SOX30: variants seen among roughly 807,000 people sequenced by gnomAD.
The protein encoded by SOX30 is SRY-box transcription factor 30.
Under a neutral mutation model 58.6 loss-of-function variants are expected in SOX30, and 17 were observed. That is an observed-to-expected ratio of 0.29 (90% CI 0.20 to 0.44). SOX30 has a LOEUF of 0.44. Among genes scored for constraint, SOX30 ranks in the 20% least tolerant of loss-of-function variants. The pLI is 1.00. For missense variants in SOX30, 951 were observed against 965.8 expected (o/e 0.98, Z 0.20); for synonymous variants, 421 against 400.2 (o/e 1.05, Z -0.62).
Position 157,646,835 on chromosome 5 carries a change from G to T in SOX30, c.1208-19C>A, listed in dbSNP as rs1759204435. On this transcript the variant is annotated intron_variant, in intron 2 of 4. Transcript: ENST00000265007. ...ACCCAACCTATAGAAGACAAAATAT[G>T]TTTAAATGTGTAGACTCCATTTAGC... The T allele has an allele frequency of 1.9e-6, 3 of 1,579,584 alleles. No individual in the cohort carries two copies. The highest frequency in any genetic ancestry group is 1.7e-6 in the Non-Finnish European group (2 of 1,151,352).
intron 3 of SOX30, among the ~76,000 whole-genome samples, chr5:157,640,229 T>C (rs1425060604): frequency 6.6e-6 from 1 of 152,214 alleles, no homozygotes; most frequent in Non-Finnish European, 1.5e-5. Flanking sequence ...GAGCAGGAAC[T>C]CTCAATTTCT....
chr5:157,661,776 T>C (rs1185347620), intron 2 of SOX30, among the ~76,000 whole-genome samples: 2 of 152,236 alleles, frequency 1.3e-5, no homozygotes, highest in East Asian at 1.9e-4. Flanking sequence ...TAATTTGTTG[T>C]TATTTAAACA....
chr5:157,632,657 A>G (rs1383330683), intron 4 of SOX30, among the ~76,000 whole-genome samples: 1 of 152,148 alleles, frequency 6.6e-6, no homozygotes, highest in Non-Finnish European at 1.5e-5. Flanking sequence ...GTGATTTTAG[A>G]CTCTGAACCA....
At chr5:157,635,727 C>T (rs1171762711) in intron 4 of SOX30, among the ~76,000 whole-genome samples, 2 of 152,148 alleles carry the variant, frequency 1.3e-5, no homozygotes, top group Admixed American at 1.3e-4. Flanking sequence ...TCAAATCTTA[C>T]AAGCCTTGTC....
In SOX30 at chr5:157,663,298, A is replaced by G. The variant is rs146756479; in HGVS notation, c.52+4500T>C. ...CCCTGCGATGCAAGACTGGTTCAAC[A>G]TATGCAAATCAATAAACGTAATCCA... On this transcript the variant is annotated intron_variant, in intron 2 of 5. Coordinates refer to the SOX30 transcript ENST00000519442. Among the ~76,000 whole-genome samples the G allele has an allele frequency of 1.9e-3, 292 of 152,350 alleles. 1 individual carries two copies. Among genetic ancestry groups the G allele is most frequent in the African/African-American group, 6.7e-3 (278 of 41,588 alleles).
chr5:157,643,943 G>A (rs953073940), intron 3 of SOX30, among the ~76,000 whole-genome samples: 3 of 152,070 alleles, frequency 2.0e-5, no homozygotes, highest in African/African-American at 7.2e-5. Flanking sequence ...AATATACAGT[G>A]AAATTTCCAA....
At chr5:157,631,754 G>A (rs1480814601) in intron 4 of SOX30, among the ~76,000 whole-genome samples, 1 of 138,786 alleles carries the variant, frequency 7.2e-6, no homozygotes, top group Non-Finnish European at 1.5e-5. Flanking sequence ...AACAGAGTGG[G>A]AACTCGTCTC....
At chr5:157,627,761 G>A (rs1403887572) in intron 4 of SOX30, among the ~76,000 whole-genome samples, 5 of 152,132 alleles carry the variant, frequency 3.3e-5, no homozygotes, top group Non-Finnish European at 2.9e-5. Flanking sequence ...CTGGGAGGCC[G>A]AGGTGGGCGG....
At chr5:157,663,018 G>C (rs1277006186) in intron 2 of SOX30, among the ~76,000 whole-genome samples, 1 of 152,160 alleles carries the variant, frequency 6.6e-6, no homozygotes, top group Admixed American at 6.5e-5. Flanking sequence ...AATTCTACCA[G>C]AGGTACAAGG....
intron 4 of SOX30, among the ~76,000 whole-genome samples, chr5:157,633,469 G>T (rs980945523): frequency 6.6e-6 from 1 of 152,142 alleles, no homozygotes; most frequent in African/African-American, 2.4e-5. Context: ...GTTCAGGTAG[G>T]TATTAAATTG....
chr5:157,637,684 T>A (rs1435493210), intron 4 of SOX30, among the ~76,000 whole-genome samples: 1 of 152,060 alleles, frequency 6.6e-6, no homozygotes, highest in African/African-American at 2.4e-5. Flanking sequence ...AAAAATTATA[T>A]CCAACATTAA....
chr5:157,661,715 A>G (rs1056595780), intron 2 of SOX30, among the ~76,000 whole-genome samples: 8 of 152,260 alleles, frequency 5.3e-5, no homozygotes, highest in Admixed American at 2.6e-4. Context: ...CCTGTAATAA[A>G]TCGACCACAC....
In SOX30 at chr5:157,626,490, C is replaced by T; in HGVS notation, c.2112G>A (p.Gly704=). ...TSYYNSHSHS[G]EENLNPVPQL... ...GAGGCACAGGGTTTAAGTTTTCTTCCCCACTGTGGCTATGACTGTTATAGT... is the reference window on the plus strand; with the variant it reads ...GAGGCACAGGGTTTAAGTTTTCTTCTCCACTGTGGCTATGACTGTTATAGT... The change falls in exon 5 of 5, where the codon GGG becomes GGA. Residue 704 remains glycine (G), a synonymous_variant. Transcript: ENST00000265007. 6.2e-7 allele frequency: 1 copy of T among 1,614,130 alleles called. No homozygotes were observed.
intron 2 of SOX30, among the ~76,000 whole-genome samples, chr5:157,662,333 G>C (rs1231233476): frequency 1.3e-5 from 2 of 151,842 alleles, no homozygotes; most frequent in South Asian, 2.1e-4. Context: ...TTGTTTTGCT[G>C]TTTTCTTTTT....
intron 3 of SOX30, among the ~76,000 whole-genome samples, chr5:157,645,551 A>G (rs955482952): frequency 1.3e-5 from 2 of 151,984 alleles, no homozygotes; most frequent in Non-Finnish European, 2.9e-5. Flanking sequence ...AGTCCCAGCT[A>G]CTAGGGAGCC....
intron 3 of SOX30, among the ~76,000 whole-genome samples, chr5:157,645,497 T>C (rs1759166779): frequency 6.6e-6 from 1 of 151,166 alleles, no homozygotes; most frequent in South Asian, 2.1e-4. Context: ...ACCCCATCTC[T>C]AAAAAAATAC....
chr5:157,638,477 T>C lies in SOX30; in HGVS notation c.1633A>G (p.Arg545Gly). 6.2e-7 allele frequency: 1 copy of C among 1,614,198 alleles called. No homozygotes were observed. Among genetic ancestry groups the C allele is most frequent in the South Asian group, 1.1e-5 (1 of 91,088 alleles). Residue 545 changes from arginine (R) to glycine (G), a missense_variant, in exon 4 of 5, where the codon AGG becomes GGG. Physicochemically the swap from Arg to Gly is moderately radical, Grantham distance 125. Coordinates refer to ENST00000265007, the MANE Select transcript of SOX30 (RefSeq NM_178424.2). ...GCAGTACTTGCACTACTTGAAATCC[T>C]GTTGGCGCTCTCTAGAGAGACAGGA... Reference protein sequence around the residue: ...PTPVSLESANRISSSASTAHA... With the variant: ...PTPVSLESANGISSSASTAHA...
intron 3 of SOX30, among the ~76,000 whole-genome samples, chr5:157,639,181 T>C (rs1179785895): frequency 3.3e-5 from 5 of 152,104 alleles, no homozygotes; most frequent in Admixed American, 2.0e-4. Context: ...TAGTTACCTT[T>C]AAGGAGCCAT....
intron 2 of SOX30, among the ~76,000 whole-genome samples, chr5:157,665,981 A>T (rs941202760): frequency 1.3e-5 from 2 of 151,012 alleles, no homozygotes; most frequent in Admixed American, 1.3e-4. Flanking sequence ...TCTCGGCTCA[A>T]ATTTCAAAGC....
Sources: allele counts gnomAD v4.1 joint callset (sites outside exome capture counted in the v4.1 genomes callset), GRCh38; gene constraint gnomAD v4.1.1; transcripts MANE v1.5; gene names NCBI Gene and HGNC (gene_info 2026-07-23, HGNC 2026-07-21).